CNTN4: variants seen among roughly 807,000 people sequenced by gnomAD.
CNTN4 encodes contactin 4.
CNTN4 carries 77 observed loss-of-function variants against 122.5 expected under a neutral mutation model. That is an observed-to-expected ratio of 0.63 (90% CI 0.52 to 0.76). CNTN4 has a LOEUF of 0.76. Among genes scored for constraint, CNTN4 ranks in the 30% least tolerant of loss-of-function variants. CNTN4 has a pLI of 0.00. For missense variants in CNTN4, 1,256 were observed against 1,259.1 expected (o/e 1.00, Z 0.04); for synonymous variants, 512 against 447.0 (o/e 1.15, Z -1.83).
At chr3:2,759,886 T>C (rs1395343461) in intron 6 of CNTN4, among the ~76,000 whole-genome samples, 1 of 152,212 alleles carries the variant, frequency 6.6e-6, no homozygotes, top group African/African-American at 2.4e-5. Context: ...CTGAGTGTGA[T>C]GTGATGTCTC....
At chr3:2,328,391 G>A (rs908613363) in intron 2 of CNTN4, among the ~76,000 whole-genome samples, 2 of 151,818 alleles carry the variant, frequency 1.3e-5, no homozygotes, top group Non-Finnish European at 2.9e-5. Context: ...GGGCGACAGA[G>A]CGAGACTCCG....
intron 9 of CNTN4, among the ~76,000 whole-genome samples, chr3:2,884,111 T>A (rs1464517309): frequency 5.3e-5 from 8 of 150,636 alleles, no homozygotes; most frequent in Admixed American, 2.6e-4. Context: ...TTTTTTTTTT[T>A]ATTTTTCGGT....
chr3:2,707,379 T>A (rs2086804877), intron 4 of CNTN4, among the ~76,000 whole-genome samples: 1 of 152,112 alleles, frequency 6.6e-6, no homozygotes, highest in Non-Finnish European at 1.5e-5. Flanking sequence ...TGTTTTTACT[T>A]GAAATTATAG....
intron 4 of CNTN4, among the ~76,000 whole-genome samples, chr3:2,590,763 G>T (rs2080432350): frequency 6.6e-6 from 1 of 151,436 alleles, no homozygotes; most frequent in Non-Finnish European, 1.5e-5. Flanking sequence ...CTCCTTGCCT[G>T]TCTATGCCTA....
intron 3 of CNTN4, among the ~76,000 whole-genome samples, chr3:2,407,056 G>C (rs1339233322): frequency 6.6e-6 from 1 of 152,128 alleles, no homozygotes; most frequent in African/African-American, 2.4e-5. Context: ...AATTAAGCAT[G>C]CAAGATATCT....
chr3:3,027,288 T>C (rs1698808461), intron 15 of CNTN4, among the ~76,000 whole-genome samples: 1 of 152,170 alleles, frequency 6.6e-6, no homozygotes. Flanking sequence ...TGGTATCTGA[T>C]TGGTACAACT....
At chr3:2,396,656 G>GTTTTTTTT (rs752074730) in intron 3 of CNTN4, among the ~76,000 whole-genome samples, 5 of 145,104 alleles carry the variant, frequency 3.4e-5, no homozygotes, top group Non-Finnish European at 6.0e-5. Flanking sequence ...TTATGTCTGG[G>GTTTTTTTT]TTTTTTTTTT....
intron 7 of CNTN4, 49 bp downstream of exon 7, chr3:2,819,630 T>C: frequency 7.5e-7 from 1 of 1,326,118 alleles, no homozygotes; most frequent in East Asian, 2.3e-5. Flanking sequence ...CTGTTATTTT[T>C]CTTCCTCAAT....
At chr3:2,641,301 G>C (rs992898408) in intron 4 of CNTN4, among the ~76,000 whole-genome samples, 5 of 152,052 alleles carry the variant, frequency 3.3e-5, no homozygotes, top group Admixed American at 3.3e-4. Context: ...AAATAGATTT[G>C]AAATGATTGG....
At chr3:2,754,103 A>G (rs1279901921) in intron 6 of CNTN4, among the ~76,000 whole-genome samples, 1 of 152,216 alleles carries the variant, frequency 6.6e-6, no homozygotes, top group Non-Finnish European at 1.5e-5. Flanking sequence ...TCTTACTCCC[A>G]TATCATTTCT....
At chr3:2,625,192 C>T (rs1360192612) in intron 4 of CNTN4, among the ~76,000 whole-genome samples, 1 of 152,164 alleles carries the variant, frequency 6.6e-6, no homozygotes, top group African/African-American at 2.4e-5. Context: ...CTGCCATCTT[C>T]ATCCTCCAAA....
chr3:2,772,501 T>C (rs1442447104), intron 6 of CNTN4, among the ~76,000 whole-genome samples: 1 of 151,950 alleles, frequency 6.6e-6, no homozygotes, highest in South Asian at 2.1e-4. Context: ...TTGACTAACT[T>C]TGGAATCAGG....
chr3:2,902,952 T>C lies in CNTN4; in HGVS notation c.1154T>C (p.Leu385Ser). Residue 385 changes from leucine (L) to serine (S), a missense_variant, in exon 12 of 25, where the codon TTG becomes TCG. Leu to Ser is a moderately radical substitution (Grantham distance 145, BLOSUM62 -2). Transcript: ENST00000418658. ...TCAGATGCTGGCATGTATCAGTGTT[T>C]GGCAGAGAATAAACATGGAGTTATC... ...NLSDAGMYQC[L>S]AENKHGVIFS... 31 of 1,613,926 alleles carry C rather than the reference T, an allele frequency of 1.9e-5. No individual in the cohort carries two copies. The highest frequency in any genetic ancestry group is 2.5e-5 in the Non-Finnish European group (30 of 1,179,898).
intron 3 of CNTN4, among the ~76,000 whole-genome samples, chr3:2,524,697 C>G (rs1319479524): frequency 6.6e-6 from 1 of 150,552 alleles, no homozygotes; most frequent in African/African-American, 2.4e-5. Context: ...TGTCCATCTC[C>G]TCTGTCTTCA....
chr3:2,365,997 C>T (rs1470475890), intron 3 of CNTN4, among the ~76,000 whole-genome samples: 1 of 152,118 alleles, frequency 6.6e-6, no homozygotes, highest in African/African-American at 2.4e-5. Flanking sequence ...TTTTTCAAAG[C>T]ATTTATTTAT....
intron 5 of CNTN4, among the ~76,000 whole-genome samples, chr3:2,740,061 A>G (rs923056159): frequency 9.2e-5 from 14 of 152,270 alleles, no homozygotes; most frequent in African/African-American, 3.1e-4. Flanking sequence ...CTTTAACTCA[A>G]AATAGTCAAT....
At chr3:2,920,946 A>T (rs867253113) in intron 12 of CNTN4, among the ~76,000 whole-genome samples, 62 of 152,330 alleles carry the variant, frequency 4.1e-4, no homozygotes, top group African/African-American at 1.4e-3. Context: ...GGAACACTAG[A>T]AGGGGCACAT....
chr3:2,491,390 G>C (rs766135308), intron 3 of CNTN4, among the ~76,000 whole-genome samples: 3 of 152,050 alleles, frequency 2.0e-5, no homozygotes, highest in Admixed American at 6.6e-5. Flanking sequence ...GACATGAAAA[G>C]AAAAAATACA....
At chr3:2,873,702 C>A (rs1240679758) in intron 8 of CNTN4, among the ~76,000 whole-genome samples, 2 of 152,164 alleles carry the variant, frequency 1.3e-5, no homozygotes, top group Non-Finnish European at 2.9e-5. Context: ...GAAAAGGGAG[C>A]TTTATTTGTA....
Sources: gnomAD v4.1 joint callset for allele counts (sites outside exome capture counted in the v4.1 genomes callset) on GRCh38, gnomAD v4.1.1 for gene constraint, MANE v1.5 for transcripts, NCBI Gene and HGNC (gene_info 2026-07-23, HGNC 2026-07-21) for gene names.